FAM135B: variants seen among roughly 807,000 people sequenced by gnomAD.
FAM135B encodes family with sequence similarity 135 member B.
In FAM135B, 43 loss-of-function variants were observed where a neutral mutation model predicts 127.7. That is an observed-to-expected ratio of 0.34 (90% CI 0.26 to 0.43). The LOEUF is 0.43. FAM135B is among the 20% of genes least tolerant of loss of function. The pLI is 1.00. For synonymous variants in FAM135B, 670 were observed against 665.1 expected (o/e 1.01, Z -0.11); for missense variants, 1,558 against 1,725.6 (o/e 0.90, Z 1.72).
Position 138,243,854 on chromosome 8 carries a change from A to C in FAM135B, c.543-786T>G, listed in dbSNP as rs1463959455. Reference sequence around the variant, plus strand: ...TTCTTTTTTAGATCTCTTCTGTTTCATTTCTTTTCTAATGGATGTTTTGTC... The same window carrying C: ...TTCTTTTTTAGATCTCTTCTGTTTCCTTTCTTTTCTAATGGATGTTTTGTC... On this transcript the variant is annotated intron_variant, in intron 6 of 19. Transcript: ENST00000395297. This position sits in a 1 kb window ranked among gnomAD's most constrained non-coding sequence, Gnocchi z 7.5. Among the ~76,000 whole-genome samples the C allele has an allele frequency of 6.6e-6, 1 of 151,992 alleles. No homozygotes were observed. Among genetic ancestry groups the C allele is most frequent in the Non-Finnish European group, 1.5e-5 (1 of 68,010 alleles).
At chr8:138,156,188 G>T (rs1362375080) in intron 12 of FAM135B, among the ~76,000 whole-genome samples, 1 of 152,164 alleles carries the variant, frequency 6.6e-6, no homozygotes, top group African/African-American at 2.4e-5. Flanking sequence ...ACCTGCTCCT[G>T]AATGACTACT....
intron 1 of FAM135B, among the ~76,000 whole-genome samples, chr8:138,393,056 T>C (rs767690869): frequency 2.0e-5 from 3 of 152,174 alleles, no homozygotes; most frequent in Non-Finnish European, 4.4e-5. Context: ...ACGTCTTACA[T>C]GGATGGCGGC....
At chr8:138,315,648 C>G (rs539762123) in intron 2 of FAM135B, among the ~76,000 whole-genome samples, 1 of 144,868 alleles carries the variant, frequency 6.9e-6, no homozygotes, top group South Asian at 2.3e-4. Context: ...CACATGCACT[C>G]AAACAATGGA....
At chr8:138,336,019 T>C (rs916296492) in intron 2 of FAM135B, among the ~76,000 whole-genome samples, 3 of 151,990 alleles carry the variant, frequency 2.0e-5, no homozygotes, top group South Asian at 4.2e-4. Context: ...GGGTACATAA[T>C]GAAATGAAGG....
At position 138,234,163 on chromosome 8, in the gene FAM135B, C is replaced by T. The variant is rs558661785; in HGVS notation, c.669+8779G>A. 5.9e-5 allele frequency among the ~76,000 whole-genome samples: 9 copies of T among 152,102 alleles called. No homozygotes were observed. In the South Asian group the frequency reaches 1.9e-3, roughly 32 times the overall value. ...CATTAAAAGACTCAAATGAATTAAA[C>T]TTGTCAACACTTATCTTGTAAAAAA... On this transcript the variant is annotated intron_variant, in intron 7 of 19. Transcript: ENST00000395297.
At chr8:138,335,220 C>T (rs1828480504) in intron 2 of FAM135B, among the ~76,000 whole-genome samples, 1 of 152,156 alleles carries the variant, frequency 6.6e-6, no homozygotes, top group Non-Finnish European at 1.5e-5. Flanking sequence ...ATCCCATGCC[C>T]ATCGGAGAAC....
At chr8:138,207,908 A>T (rs1279888249) in intron 7 of FAM135B, among the ~76,000 whole-genome samples, 1 of 152,192 alleles carries the variant, frequency 6.6e-6, no homozygotes, top group Non-Finnish European at 1.5e-5. Flanking sequence ...CAGGGTGGGT[A>T]AGTATTTAAA....
chr8:138,492,494 G>T (rs1815242492), intron 1 of FAM135B, among the ~76,000 whole-genome samples: 1 of 151,986 alleles, frequency 6.6e-6, no homozygotes, highest in South Asian at 2.1e-4. Context: ...TCACAGCTGG[G>T]GAGAGCATCC....
intron 1 of FAM135B, among the ~76,000 whole-genome samples, chr8:138,409,883 A>G (rs78794909): frequency 1.7e-5 from 1 of 58,944 alleles, no homozygotes; most frequent in East Asian, 3.1e-4. Context: ...CCGTCTCAAA[A>G]AAAAAAAAAA....
chr8:138,421,312 A>T lies in FAM135B; in HGVS notation c.-19-53310T>A, dbSNP rs568754619. Among the ~76,000 whole-genome samples, 3 of 151,794 alleles carry T rather than the reference A, an allele frequency of 2.0e-5. No individual in the cohort carries two copies. In the South Asian group the frequency reaches 6.2e-4, roughly 32 times the overall value. On this transcript the variant is annotated intron_variant, in intron 1 of 19. Coordinates refer to ENST00000395297, the MANE Select transcript of FAM135B (RefSeq NM_015912.4). ...AGGGCAACAGAGCGAGACTCTGTCA[A>T]AAAAAAATATATATCTAAATAGGGA...
intron 2 of FAM135B, among the ~76,000 whole-genome samples, chr8:138,335,692 T>G (rs201126485): frequency 1.1e-4 from 17 of 152,050 alleles, no homozygotes; most frequent in East Asian, 3.9e-4. Context: ...CATTAGACAG[T>G]TCAACGAGAC....
intron 2 of FAM135B, among the ~76,000 whole-genome samples, chr8:138,327,997 T>C (rs570749615): frequency 2.0e-5 from 3 of 152,282 alleles, no homozygotes; most frequent in Non-Finnish European, 4.4e-5. Flanking sequence ...CAAAAATTGC[T>C]ATCTTTGATG....
intron 3 of FAM135B, among the ~76,000 whole-genome samples, chr8:138,281,841 C>T (rs912592815): frequency 6.6e-6 from 1 of 152,176 alleles, no homozygotes; most frequent in Non-Finnish European, 1.5e-5. Context: ...GACAGGGTCT[C>T]ACTCTGTTGC....
intron 5 of FAM135B, among the ~76,000 whole-genome samples, chr8:138,254,861 C>T (rs1001593432): frequency 2.6e-5 from 4 of 152,082 alleles, no homozygotes; most frequent in Admixed American, 2.0e-4. Flanking sequence ...CTTCTCAATT[C>T]CCATACATGA....
At chr8:138,137,292 C>A (rs1816747302) in intron 18 of FAM135B, 32 bp from the exon 19 acceptor site, 3 of 1,210,540 alleles carry the variant, frequency 2.5e-6, no homozygotes, top group Non-Finnish European at 3.7e-6. Context: ...GTGCTTTTTA[C>A]CCAGGTAGTT....
At chr8:138,388,454 C>T (rs757976256) in intron 1 of FAM135B, among the ~76,000 whole-genome samples, 6 of 152,206 alleles carry the variant, frequency 3.9e-5, no homozygotes, top group Non-Finnish European at 8.8e-5. Context: ...ATGTTTACAG[C>T]AGCTTATTCA....
In FAM135B at chr8:138,153,218, TAC is replaced by T. The variant is rs1461862722; in HGVS notation, c.1259-4_1259-3del. 3 of 1,450,206 alleles carry T rather than the reference TAC, an allele frequency of 2.1e-6. No individual in the cohort carries two copies. In the African/African-American group the frequency reaches 5.9e-5, roughly 29 times the overall value. The allele number at this position is 1,450,206 out of a possible 1,614,324, so 89.8% of individuals were successfully genotyped here. A position where few individuals can be genotyped will look rare whatever the true frequency, so the allele number is the denominator to read the frequency against. On this transcript the variant is annotated splice_region_variant and splice_polypyrimidine_tract_variant and intron_variant, in intron 12 of 19. Coordinates refer to ENST00000395297, the MANE Select transcript of FAM135B (RefSeq NM_015912.4). ...TAGGATAAACACTCAAGTTATGCCC[TAC>T]AAAAAAAAAAGAAAGAAAATTATAT...
chr8:138,397,546 T>C (rs931604446), intron 1 of FAM135B, among the ~76,000 whole-genome samples: 1 of 152,242 alleles, frequency 6.6e-6, no homozygotes, highest in Non-Finnish European at 1.5e-5. Flanking sequence ...TACGTACTTG[T>C]AGTATGTTAT....
intron 18 of FAM135B, among the ~76,000 whole-genome samples, chr8:138,137,594 T>A (rs4323515): frequency 0.81 from 123,787 of 152,068 alleles, 50,730 homozygotes; most frequent in East Asian, 1. Context: ...AATAAGCAAC[T>A]AGAATGGGAC....
Sources: allele counts gnomAD v4.1 joint callset (sites outside exome capture counted in the v4.1 genomes callset), GRCh38; gene constraint gnomAD v4.1.1; non-coding constraint Gnocchi (gnomAD v3.1); transcripts MANE v1.5; gene names NCBI Gene and HGNC (gene_info 2026-07-23, HGNC 2026-07-21).